NRG3: variants seen among roughly 807,000 people sequenced by gnomAD.
NRG3 encodes pro-neuregulin-3, membrane-bound isoform.
NRG3 carries 31 observed loss-of-function variants against 66.9 expected under a neutral mutation model. That is an observed-to-expected ratio of 0.46 (90% CI 0.35 to 0.63). The LOEUF is 0.63. NRG3 is among the 20% of genes least tolerant of loss of function. The pLI is 0.00. For missense variants in NRG3, 910 were observed against 878.9 expected (o/e 1.04, Z -0.45); for synonymous variants, 393 against 359.4 (o/e 1.09, Z -1.06).
At chr10:82,604,817 A>G (rs1000026156) in intron 2 of NRG3, among the ~76,000 whole-genome samples, 16 of 152,030 alleles carry the variant, frequency 1.1e-4, no homozygotes, top group African/African-American at 3.6e-4. Flanking sequence ...TTCTTTTTTA[A>G]TTTTCTTTTT....
At chr10:82,451,392 A>G (rs1474348903) in intron 2 of NRG3, among the ~76,000 whole-genome samples, 1 of 152,182 alleles carries the variant, frequency 6.6e-6, no homozygotes, top group African/African-American at 2.4e-5. Context: ...TGGCTGTCAA[A>G]TATTTAAAGA....
intron 2 of NRG3, among the ~76,000 whole-genome samples, chr10:82,569,752 C>A (rs2045617048): frequency 6.6e-6 from 1 of 151,666 alleles, no homozygotes; most frequent in African/African-American, 2.4e-5. Flanking sequence ...CATACCATAA[C>A]ATAAATTCCC....
intron 2 of NRG3, among the ~76,000 whole-genome samples, chr10:82,678,805 C>A (rs1347962266): frequency 6.6e-6 from 1 of 152,096 alleles, no homozygotes; most frequent in Non-Finnish European, 1.5e-5. Context: ...GGTTCTGATG[C>A]CTACTGCATT....
intron 2 of NRG3, among the ~76,000 whole-genome samples, chr10:82,376,997 A>G (rs1049013032): frequency 1.3e-5 from 2 of 152,066 alleles, no homozygotes; most frequent in East Asian, 1.9e-4. Flanking sequence ...TCTTAACCCA[A>G]ATCTCTCTTG....
intron 1 of NRG3, among the ~76,000 whole-genome samples, chr10:82,112,175 C>T (rs1174851979): frequency 1.3e-5 from 2 of 152,094 alleles, no homozygotes; most frequent in Admixed American, 6.6e-5. Flanking sequence ...GCCCAAAGTT[C>T]GAGGCTGCAA....
At chr10:82,914,008 T>C (rs556611600) in intron 4 of NRG3, among the ~76,000 whole-genome samples, 1 of 152,348 alleles carries the variant, frequency 6.6e-6, no homozygotes, top group South Asian at 2.1e-4. Flanking sequence ...TTCTCTTTGC[T>C]TTTCAGTTTT....
At chr10:82,214,990 T>C (rs2133690612) in intron 1 of NRG3, among the ~76,000 whole-genome samples, 1 of 152,298 alleles carries the variant, frequency 6.6e-6, no homozygotes, top group East Asian at 1.9e-4. Context: ...CCCAACATGA[T>C]GGCAAATACC....
chr10:82,721,612 G>T (rs954983730), intron 2 of NRG3, among the ~76,000 whole-genome samples: 1 of 151,816 alleles, frequency 6.6e-6, no homozygotes. Flanking sequence ...TAGCAGAGGC[G>T]TGGTTTCACG....
At chr10:82,091,729 C>G (rs2066037277) in intron 1 of NRG3, among the ~76,000 whole-genome samples, 1 of 152,190 alleles carries the variant, frequency 6.6e-6, no homozygotes, top group Non-Finnish European at 1.5e-5. Context: ...TTTTGAGGAA[C>G]TACCATGCTG....
chr10:82,669,703 T>G (rs900769702), intron 2 of NRG3, among the ~76,000 whole-genome samples: 1 of 151,580 alleles, frequency 6.6e-6, no homozygotes, highest in Non-Finnish European at 1.5e-5. Context: ...CCGAGGCGGG[T>G]GGATCACGAG....
At chr10:82,675,160 T>C (rs886764756) in intron 2 of NRG3, among the ~76,000 whole-genome samples, 2 of 152,094 alleles carry the variant, frequency 1.3e-5, no homozygotes, top group African/African-American at 2.4e-5. Flanking sequence ...TTTCTCTATG[T>C]TGACGAGGCT....
chr10:82,896,172 T>C (rs1405357579), intron 4 of NRG3, among the ~76,000 whole-genome samples: 1 of 152,140 alleles, frequency 6.6e-6, no homozygotes, highest in Non-Finnish European at 1.5e-5. Context: ...GAGGCTGACA[T>C]TTATTGAGCC....
chr10:82,979,334 A>AT (rs1044987209), intron 8 of NRG3, among the ~76,000 whole-genome samples: 15 of 152,198 alleles, frequency 9.9e-5, no homozygotes, highest in African/African-American at 3.6e-4. Context: ...TTAGAAAGAA[A>AT]TATAACTAGG....
chr10:82,339,284 A>G (rs1384262834), intron 1 of NRG3, among the ~76,000 whole-genome samples: 2 of 152,208 alleles, frequency 1.3e-5, no homozygotes, highest in Non-Finnish European at 2.9e-5. Flanking sequence ...TCACACAGTT[A>G]TGAAGAAATA....
intron 1 of NRG3, among the ~76,000 whole-genome samples, chr10:82,128,328 A>G (rs573703483): frequency 6.6e-6 from 1 of 152,154 alleles, no homozygotes; most frequent in South Asian, 2.1e-4. Context: ...GGCATGTTTT[A>G]GAGATCTCAC....
rs141140719 is a variant in NRG3 at position 82,356,674 on chromosome 10, T to A, written c.824-2065T>A. Among the ~76,000 whole-genome samples the A allele has an allele frequency of 4.7e-3, 721 of 152,342 alleles. 5 individuals carry two copies. Among genetic ancestry groups the A allele is most frequent in the African/African-American group, 0.017 (691 of 41,584 alleles). On this transcript the variant is annotated intron_variant, in intron 1 of 8. Coordinates refer to ENST00000372141, the MANE Select transcript of NRG3 (RefSeq NM_001010848.4). ...TCCCATTGCAATACCAATAGTGGTT[T>A]ATTTCAGTGCTCGTGGAATATGAGT...
intron 1 of NRG3, among the ~76,000 whole-genome samples, chr10:81,903,060 C>T (rs1256513496): frequency 2.0e-5 from 3 of 152,064 alleles, no homozygotes; most frequent in Non-Finnish European, 4.4e-5. Context: ...GTTCTCCCTT[C>T]TTATGATATG....
chr10:82,161,485 A>G (rs2071597135), intron 1 of NRG3, among the ~76,000 whole-genome samples: 1 of 152,088 alleles, frequency 6.6e-6, no homozygotes, highest in Non-Finnish European at 1.5e-5. Flanking sequence ...GTAGGCCAGC[A>G]CTTTGCATAC....
chr10:82,972,250 A>C lies in NRG3; in HGVS notation c.1285-1538A>C, dbSNP rs928495019. 3.9e-5 allele frequency among the ~76,000 whole-genome samples: 6 copies of C among 152,082 alleles called. No homozygotes were observed. In the South Asian group the frequency reaches 6.2e-4, roughly 16 times the overall value. On this transcript the variant is annotated intron_variant, in intron 6 of 8. Transcript: ENST00000372141. Reference sequence around the variant, plus strand: ...ATACTTAAATATATATATTTTGTTCATCAGTGTCTAAAATTAATCAGCATG... The same window carrying C: ...ATACTTAAATATATATATTTTGTTCCTCAGTGTCTAAAATTAATCAGCATG...
Sources: gnomAD v4.1 joint callset for allele counts (sites outside exome capture counted in the v4.1 genomes callset) on GRCh38, gnomAD v4.1.1 for gene constraint, MANE v1.5 for transcripts, NCBI Gene and HGNC (gene_info 2026-07-23, HGNC 2026-07-21) for gene names.